The following SYT16 variants were observed in gnomAD, a reference collection of about 807,000 sequenced individuals.
SYT16 encodes synaptotagmin-16.
A neutral mutation model predicts 61.4 loss-of-function variants in SYT16; 42 were observed. That is an observed-to-expected ratio of 0.68 (90% confidence interval 0.53 to 0.89). SYT16 has a LOEUF of 0.89. Ranked by LOEUF, SYT16 falls within the 40% of genes least tolerant of loss-of-function variation. The pLI is 0.00. For synonymous variants in SYT16, 314 were observed against 302.3 expected (o/e 1.04, Z -0.40); for missense variants, 804 against 807.3 (o/e 1.00, Z 0.05).
In SYT16 at chr14:62,020,795, C is replaced by T. The variant is rs1222754512; in HGVS notation, c.523+24253C>T. Reference sequence around the variant, plus strand: ...CTGTGATGGTTGGGGCACCGCATGTCCCCAGTGCTGGCACACACCACCTAT... The same window carrying T: ...CTGTGATGGTTGGGGCACCGCATGTTCCCAGTGCTGGCACACACCACCTAT... On this transcript the variant is annotated intron_variant, in intron 3 of 7. Coordinates refer to ENST00000683842, the MANE Select transcript of SYT16 (RefSeq NM_001367656.1). Among the ~76,000 whole-genome samples the T allele has an allele frequency of 4.6e-5, 7 of 152,288 alleles. No homozygotes were observed. In the East Asian group the frequency reaches 1.2e-3, roughly 25 times the overall value.
chr14:61,854,246 A>G (rs571998403), intron 1 of SYT16, among the ~76,000 whole-genome samples: 12 of 152,358 alleles, frequency 7.9e-5, no homozygotes, highest in African/African-American at 2.9e-4. Context: ...ACCACTGTGA[A>G]TTAAGGTATT....
intron 1 of SYT16, among the ~76,000 whole-genome samples, chr14:61,890,047 TA>T (rs1186240030): frequency 6.6e-6 from 1 of 152,112 alleles, no homozygotes; most frequent in East Asian, 1.9e-4. Context: ...AATAACCTTT[TA>T]TAAGTCGAGA....
intron 1 of SYT16, among the ~76,000 whole-genome samples, chr14:61,910,704 T>C (rs190646724): frequency 6.6e-6 from 1 of 151,868 alleles, no homozygotes; most frequent in South Asian, 2.1e-4. Flanking sequence ...AATTCTTGTA[T>C]TTTTAGTAGA....
chr14:62,041,218 C>G (rs1338876277), intron 3 of SYT16, among the ~76,000 whole-genome samples: 4 of 152,138 alleles, frequency 2.6e-5, no homozygotes, highest in Admixed American at 1.3e-4. Flanking sequence ...ACTCCACTGA[C>G]TCAAATGTTA....
rs561713149 is a variant in SYT16, at chr14:62,054,389, C to G, written c.524-15214C>G. On this transcript the variant is annotated intron_variant, in intron 3 of 7. Transcript: ENST00000683842. ...TTTTTTTTTTTTTTGGAGATAGGGT[C>G]TCACCCTGTCATCCAGGCTGGAGTG... is the stretch of plus-strand genomic sequence containing the variant. Among the ~76,000 whole-genome samples the G allele has an allele frequency of 4.3e-5, 5 of 116,476 alleles. No individual in the cohort carries two copies. In the East Asian group the frequency reaches 1.4e-3, roughly 33 times the overall value. 76.4% of individuals were successfully genotyped at this position (116,476 alleles called of 152,430 possible). A position where few individuals can be genotyped will look rare whatever the true frequency, so the allele number is the denominator to read the frequency against.
At chr14:61,817,863 T>G (rs2045490737) in intron 1 of SYT16, among the ~76,000 whole-genome samples, 2 of 152,204 alleles carry the variant, frequency 1.3e-5, no homozygotes, top group Non-Finnish European at 2.9e-5. Context: ...GATATATGCA[T>G]GTATGTGTGC....
intron 1 of SYT16, among the ~76,000 whole-genome samples, chr14:61,914,091 G>T (rs2049030350): frequency 6.6e-6 from 1 of 152,116 alleles, no homozygotes; most frequent in South Asian, 2.1e-4. Flanking sequence ...AAAGGCTATT[G>T]ACATCTTTGA....
chr14:61,839,784 A>G (rs1446165198), intron 1 of SYT16, among the ~76,000 whole-genome samples: 2 of 152,068 alleles, frequency 1.3e-5, no homozygotes, highest in Non-Finnish European at 1.5e-5. Flanking sequence ...TTATATTCCC[A>G]TGCGCTTACT....
intron 3 of SYT16, among the ~76,000 whole-genome samples, chr14:62,015,845 A>G (rs891206042): frequency 7.2e-5 from 11 of 152,216 alleles, no homozygotes; most frequent in Non-Finnish European, 1.5e-4. Flanking sequence ...CACTCAGTTT[A>G]TGGTATGTTG....
chr14:61,898,142 C>T (rs1203035622), intron 1 of SYT16, among the ~76,000 whole-genome samples: 2 of 152,166 alleles, frequency 1.3e-5, no homozygotes, highest in South Asian at 2.1e-4. Context: ...CAATTCTTAG[C>T]TTCTAAATGC....
intron 3 of SYT16, among the ~76,000 whole-genome samples, chr14:62,030,581 A>G (rs1419439329): frequency 1.3e-5 from 2 of 152,214 alleles, no homozygotes; most frequent in African/African-American, 4.8e-5. Context: ...CTTTCACACA[A>G]TTGCAGTTGA....
chr14:61,884,495 A>C (rs1425675242), intron 1 of SYT16, among the ~76,000 whole-genome samples: 2 of 152,184 alleles, frequency 1.3e-5, no homozygotes, highest in Non-Finnish European at 2.9e-5. Flanking sequence ...ACAATGAAAA[A>C]ATCTAGGTTT....
intron 3 of SYT16, among the ~76,000 whole-genome samples, chr14:62,040,452 A>G (rs991872650): frequency 2.6e-5 from 4 of 152,236 alleles, no homozygotes; most frequent in African/African-American, 9.6e-5. Flanking sequence ...TTTCAGGTGC[A>G]TACATCCAGA....
intron 1 of SYT16, among the ~76,000 whole-genome samples, chr14:61,818,265 T>G (rs2045504134): frequency 6.6e-6 from 1 of 152,170 alleles, no homozygotes; most frequent in Non-Finnish European, 1.5e-5. Context: ...CCCCCACTTT[T>G]CTGGGAGAGG....
intron 3 of SYT16, among the ~76,000 whole-genome samples, chr14:62,032,550 T>C (rs373935949): frequency 6.6e-6 from 1 of 152,088 alleles, no homozygotes; most frequent in Non-Finnish European, 1.5e-5. Flanking sequence ...ATATTAGTTA[T>C]TTGAGCTTAT....
chr14:61,878,359 G>A (rs1025174557), intron 1 of SYT16, among the ~76,000 whole-genome samples: 8 of 152,134 alleles, frequency 5.3e-5, no homozygotes, highest in African/African-American at 7.2e-5. Context: ...AGGTTGATCC[G>A]GAAATCTCAA....
intron 1 of SYT16, among the ~76,000 whole-genome samples, chr14:61,934,871 C>T (rs1382331386): frequency 6.6e-6 from 1 of 152,222 alleles, no homozygotes; most frequent in Non-Finnish European, 1.5e-5. Flanking sequence ...TTGCAATACA[C>T]TTCCCAGAGT....
intron 3 of SYT16, among the ~76,000 whole-genome samples, chr14:62,057,007 G>A (rs1389281863): frequency 6.6e-6 from 1 of 152,162 alleles, no homozygotes; most frequent in Admixed American, 6.5e-5. Flanking sequence ...GGGGCACGGC[G>A]CACGACCGGG....
Position 62,111,529 on chromosome 14 carries a change from C to T in SYT16, c.*10822C>T, listed in dbSNP as rs917506899. 6.6e-6 allele frequency: 1 copy of T among 152,036 alleles called. No homozygotes were observed. The highest frequency in any genetic ancestry group is 1.9e-4 in the East Asian group (1 of 5,196). 9.4% of individuals were successfully genotyped at this position (152,036 alleles called of 1,614,324 possible). On this transcript the variant is annotated 3_prime_UTR_variant, in exon 8 of 8. Coordinates refer to ENST00000683842, the MANE Select transcript of SYT16 (RefSeq NM_001367656.1). ...GCAGTCAGTAATTTTATAAATTTCACTTTTGTGGATAGTTAAGTATAACAT... is the reference window on the plus strand; with the variant it reads ...GCAGTCAGTAATTTTATAAATTTCATTTTTGTGGATAGTTAAGTATAACAT...
Sources: allele counts gnomAD v4.1 joint callset (sites outside exome capture counted in the v4.1 genomes callset), GRCh38; gene constraint gnomAD v4.1.1; transcripts MANE v1.5; gene names NCBI Gene and HGNC (gene_info 2026-07-23, HGNC 2026-07-21).